SYT16: variants seen among roughly 807,000 people sequenced by gnomAD.
SYT16 encodes the protein synaptotagmin-16.
A neutral mutation model predicts 61.4 loss-of-function variants in SYT16; 42 were observed. The observed-to-expected ratio is 0.68, with a 90% CI of 0.53 to 0.89. The LOEUF (loss-of-function observed/expected upper bound fraction) is 0.89, where lower values mean the gene tolerates loss of function less well. Among genes scored for constraint, SYT16 ranks in the 40% least tolerant of loss-of-function variants. The pLI is 0.00. For synonymous variants in SYT16, 314 were observed against 302.3 expected (o/e 1.04, Z -0.40); for missense variants, 804 against 807.3 (o/e 1.00, Z 0.05).
chr14:61,898,244 T>TC (rs372718370), intron 1 of SYT16, among the ~76,000 whole-genome samples: 1 of 151,852 alleles, frequency 6.6e-6, no homozygotes, highest in African/African-American at 2.4e-5. Context: ...ATTCCCCACC[T>TC]CCCCCCACTC....
At chr14:62,075,862 C>G (rs1288418539) in intron 5 of SYT16, among the ~76,000 whole-genome samples, 1 of 152,114 alleles carries the variant, frequency 6.6e-6, no homozygotes, top group Admixed American at 6.5e-5. Context: ...ATGAAATGGC[C>G]TTCCAAGTGA....
chr14:62,026,235 T>C (rs2054097881), intron 3 of SYT16, among the ~76,000 whole-genome samples: 1 of 152,214 alleles, frequency 6.6e-6, no homozygotes, highest in South Asian at 2.1e-4. Context: ...ACAATTGTCA[T>C]ATCAAAGTAT....
intron 4 of SYT16, among the ~76,000 whole-genome samples, chr14:62,074,424 A>C (rs1176267664): frequency 6.6e-6 from 1 of 152,204 alleles, no homozygotes; most frequent in Admixed American, 6.5e-5. Context: ...CTTGGGAAGC[A>C]GTGGAAAATG....
At chr14:61,962,983 T>A (rs1324185675) in intron 1 of SYT16, among the ~76,000 whole-genome samples, 1 of 152,118 alleles carries the variant, frequency 6.6e-6, no homozygotes, top group Non-Finnish European at 1.5e-5. Context: ...TGTCAAGCAG[T>A]TTATGTATCT....
At chr14:62,067,103 C>CAGGTGTGTGTGTGTGTGT (rs1440733662) in intron 3 of SYT16, among the ~76,000 whole-genome samples, 2 of 145,146 alleles carry the variant, frequency 1.4e-5, no homozygotes, top group Admixed American at 1.4e-4. Flanking sequence ...CGTGTGTGTG[C>CAGGTGTGTGTGTGTGTGT]ATGTGTGTGT....
intron 6 of SYT16, among the ~76,000 whole-genome samples, chr14:62,082,209 G>T (rs1035079083): frequency 2.0e-5 from 3 of 152,160 alleles, no homozygotes; most frequent in African/African-American, 7.2e-5. Context: ...GTGGCCGGGG[G>T]AGTGGGGAAG....
chr14:62,024,422 G>A (rs1272428489), intron 3 of SYT16, among the ~76,000 whole-genome samples: 1 of 152,076 alleles, frequency 6.6e-6, no homozygotes, highest in Non-Finnish European at 1.5e-5. Context: ...TAAGAAAAGT[G>A]ATGTATGTGT....
At chr14:62,061,864 C>A (rs190383657) in intron 3 of SYT16, among the ~76,000 whole-genome samples, 58 of 152,248 alleles carry the variant, frequency 3.8e-4, no homozygotes, top group African/African-American at 1.3e-3. Flanking sequence ...TATATATAAT[C>A]TGTGTTCCCT....
intron 2 of SYT16, among the ~76,000 whole-genome samples, chr14:61,972,662 G>C (rs1160841067): frequency 6.6e-6 from 1 of 152,118 alleles, no homozygotes; most frequent in Non-Finnish European, 1.5e-5. Context: ...TTTGATATTT[G>C]CCTTAATTAT....
At chr14:61,900,357 C>T (rs1311349343) in intron 1 of SYT16, among the ~76,000 whole-genome samples, 2 of 152,128 alleles carry the variant, frequency 1.3e-5, no homozygotes, top group African/African-American at 4.8e-5. Context: ...GGGGCTTTGC[C>T]ATGTTGGCCA....
chr14:61,884,865 G>A (rs1055145891), intron 1 of SYT16, among the ~76,000 whole-genome samples: 2 of 152,184 alleles, frequency 1.3e-5, no homozygotes, highest in African/African-American at 4.8e-5. Flanking sequence ...AATGTGATCG[G>A]TGGTTTTGTA....
At chr14:61,998,132 T>C (rs2052844132) in intron 3 of SYT16, among the ~76,000 whole-genome samples, 1 of 152,018 alleles carries the variant, frequency 6.6e-6, no homozygotes, top group African/African-American at 2.4e-5. Flanking sequence ...TCCACATTTA[T>C]TATAGGAAGA....
intron 1 of SYT16, among the ~76,000 whole-genome samples, chr14:61,959,412 T>A (rs1386843959): frequency 6.6e-6 from 1 of 152,178 alleles, no homozygotes; most frequent in Non-Finnish European, 1.5e-5. Flanking sequence ...TTTTATCTTG[T>A]GTGCATCTAC....
intron 3 of SYT16, among the ~76,000 whole-genome samples, chr14:62,031,276 C>T (rs2054300056): frequency 6.6e-6 from 1 of 152,166 alleles, no homozygotes; most frequent in African/African-American, 2.4e-5. Context: ...AGAGACTTGC[C>T]AATCTGGATT....
intron 3 of SYT16, among the ~76,000 whole-genome samples, chr14:62,034,613 A>T (rs1442008852): frequency 6.6e-6 from 1 of 151,992 alleles, no homozygotes; most frequent in Non-Finnish European, 1.5e-5. Context: ...GCCACATATT[A>T]TATGACTCTT....
rs1477155423 is a variant in SYT16 at position 62,104,938 on chromosome 14, A to G, written c.*4231A>G. ...GTTCCTCCTTACAGTCATGCCTGAA[A>G]AAGAAAATATTTAAGATGTGTCTTC... On this transcript the variant is annotated 3_prime_UTR_variant, in exon 8 of 8. Coordinates refer to ENST00000683842, the MANE Select transcript of SYT16 (RefSeq NM_001367656.1). 6.6e-6 allele frequency: 1 copy of G among 152,224 alleles called. No individual in the cohort carries two copies. The highest frequency in any genetic ancestry group is 1.5e-5 in the Non-Finnish European group (1 of 68,046). The allele number at this position is 152,224 out of a possible 1,614,324, so 9.4% of individuals were successfully genotyped here. A position where few individuals can be genotyped will look rare whatever the true frequency, so the allele number is the denominator to read the frequency against.
intron 3 of SYT16, among the ~76,000 whole-genome samples, chr14:62,030,274 G>A (rs571156200): frequency 2.6e-5 from 4 of 152,196 alleles, no homozygotes; most frequent in Admixed American, 6.5e-5. Context: ...CTTTTCAGTC[G>A]CATGGTAGTT....
chr14:62,084,323 G>A lies in SYT16; in HGVS notation c.1562G>A (p.Arg521Gln), dbSNP rs745444147. 4.9e-5 allele frequency: 79 copies of A among 1,613,388 alleles called. 1 individual carries two copies. The Middle Eastern group carries it at 5.1e-4, about 10-fold the overall frequency. ...CTCTCGTACAATGCCACAACGGGGCGATTATCTGTGGAAATGATCAAAGGC... is the reference window on the plus strand; with the variant it reads ...CTCTCGTACAATGCCACAACGGGGCAATTATCTGTGGAAATGATCAAAGGC... ...VGLSYNATTG[R>Q]LSVEMIKGSH... is the part of the protein sequence containing the mutation. Residue 521 changes from arginine to glutamine, a missense_variant, in exon 7 of 8, where the codon CGA (arginine) becomes CAA (glutamine). Transcript: ENST00000683842.
At chr14:61,829,037 A>G (rs752217087) in intron 1 of SYT16, among the ~76,000 whole-genome samples, 5 of 152,184 alleles carry the variant, frequency 3.3e-5, no homozygotes, top group African/African-American at 4.8e-5. Flanking sequence ...TATAAACCCA[A>G]TGCTATTTTG....
Sources: allele counts gnomAD v4.1 joint callset (sites outside exome capture counted in the v4.1 genomes callset), GRCh38; gene constraint gnomAD v4.1.1; transcripts MANE v1.5; gene names NCBI Gene and HGNC (gene_info 2026-07-23, HGNC 2026-07-21).